The following ABCA7 variants were observed in gnomAD, a reference collection of about 807,000 sequenced individuals.
ABCA7 encodes the protein phospholipid-transporting ATPase ABCA7.
ABCA7 carries 261 observed loss-of-function variants against 227.6 expected under a neutral mutation model. That is an observed-to-expected ratio of 1.15 (90% CI 1.04 to 1.27). The LOEUF (loss-of-function observed/expected upper bound fraction) is 1.27, where lower values mean the gene tolerates loss of function less well. ABCA7 is among the 50% of genes most tolerant of loss of function. The probability of loss-of-function intolerance (pLI) is 0.00; values close to 1 mark genes in which losing one functional copy is unlikely to be tolerated. For missense variants in ABCA7, 3,331 were observed against 2,924.5 expected, an observed-to-expected ratio of 1.14 and a Z score of -3.21; for synonymous variants, 1,488 against 1,279.7, an observed-to-expected ratio of 1.16 and a Z score of -3.47.
rs372634404 is a variant in ABCA7 at position 1,049,193 on chromosome 19, G to T, written c.2381-73G>T. 4.0e-5 allele frequency: 60 copies of T among 1,507,362 alleles called. No homozygotes were observed. In the East Asian group the frequency reaches 9.4e-4, roughly 24 times the overall value. The allele number at this position is 1,507,362 out of a possible 1,614,324, so 93.4% of individuals were successfully genotyped here. ...GGCCCAGCAGGTCCCGGATTCCACA[G>T]CCCAGCTCTGAGGGACTTGCAGGCC... On this transcript the variant is annotated intron_variant, in intron 17 of 46. Coordinates refer to ENST00000263094, the MANE Select transcript of ABCA7 (RefSeq NM_019112.4).
At chr19:1,057,744 A>T (rs1286907553) in intron 35 of ABCA7, among the ~76,000 whole-genome samples, 171 bp from the exon 36 acceptor site, 1 of 151,970 alleles carries the variant, frequency 6.6e-6, no homozygotes. Context: ...CCTCTAAAAA[A>T]GAAAGAAAGA....
At position 1,049,298 on chromosome 19, in the gene ABCA7, C is replaced by A. The variant is rs754339768; in HGVS notation, c.2413C>A (p.Pro805Thr). 1.2e-6 allele frequency: 2 copies of A among 1,611,030 alleles called. No homozygotes were observed. The highest frequency in any genetic ancestry group is 1.7e-6 in the Non-Finnish European group (2 of 1,178,856). ...AGAAGAGGCACCGCCCGGCCTGAGT[C>A]CTGGCGTCTCCGTTCGCAGCCTGGA... ...LVEEAPPGLS[P>T]GVSVRSLEKR... Residue 805 changes from proline (P) to threonine (T), a missense_variant, in exon 18 of 47, where the codon CCT becomes ACT. Physicochemically the swap from Pro to Thr is conservative, Grantham distance 38. Transcript: ENST00000263094.
chr19:1,047,237 G>C lies in ABCA7; in HGVS notation c.1926G>C (p.Gln642His). ...CCTTCGCGGTGGCCACGGTGACCCA[G>C]AGCTTCCTGCTCAGCGCCTTCTTCT... ...LAAFAVATVT[Q>H]SFLLSAFFSR... is the part of the protein sequence containing the mutation. The change falls in exon 15 of 47, where the codon CAG (glutamine) becomes CAC (histidine). Residue 642 changes from glutamine to histidine, a missense_variant. By Grantham distance (24) the Gln-to-His change is conservative. Coordinates refer to ENST00000263094, the MANE Select transcript of ABCA7 (RefSeq NM_019112.4). The C allele has an allele frequency of 6.2e-7, 1 of 1,608,646 alleles. No homozygotes were observed. Among genetic ancestry groups the C allele is most frequent in the Non-Finnish European group, 8.5e-7 (1 of 1,179,540 alleles).
intron 10 of ABCA7, among the ~76,000 whole-genome samples, chr19:1,044,168 C>G (rs1470436217): frequency 6.6e-6 from 1 of 150,858 alleles, no homozygotes; most frequent in African/African-American, 2.4e-5. Flanking sequence ...TCTCGATCTC[C>G]TGACCTCGTG....
chr19:1,063,525 C>G lies in ABCA7; in HGVS notation c.5713-19C>G. 1 of 1,608,896 alleles carries G rather than the reference C, an allele frequency of 6.2e-7. No homozygotes were observed. The highest frequency in any genetic ancestry group is 1.1e-5 in the South Asian group (1 of 91,012). ...TCATCAATATGAGTCCCCATGCCTA[C>G]TCTGGCCCCACCCCACAGACCGCTG... On this transcript the variant is annotated intron_variant, in intron 42 of 46. Coordinates refer to ENST00000263094, the MANE Select transcript of ABCA7 (RefSeq NM_019112.4).
intron 40 of ABCA7, among the ~76,000 whole-genome samples, chr19:1,061,195 G>A (rs76301734): frequency 1.3e-5 from 2 of 151,812 alleles, no homozygotes; most frequent in African/African-American, 4.8e-5. Flanking sequence ...TCAGGAGTTC[G>A]AGACCAGCCT....
chr19:1,044,600 A>G lies in ABCA7; in HGVS notation c.1071A>G (p.Glu357=), dbSNP rs775573683. The change falls in exon 11 of 47, where the codon GAA becomes GAG. Residue 357 remains glutamate, a synonymous_variant. Coordinates refer to ENST00000263094, the MANE Select transcript of ABCA7 (RefSeq NM_019112.4). ...AGCGGCTCCTGCAGATGCAGGATGA[A>G]GGAAGAAGGCAGCCCAGACCTGGAG... is the stretch of plus-strand genomic sequence containing the variant. The part of the protein sequence containing the change: ...MLQRLLQMQD[E]GRRQPRPGGR... The G allele has an allele frequency of 1.2e-6, 2 of 1,612,716 alleles. No individual in the cohort carries two copies. Among genetic ancestry groups the G allele is most frequent in the Admixed American group, 3.3e-5 (2 of 59,964 alleles).
Position 1,054,347 on chromosome 19 carries a change from G to T in ABCA7, c.3726+6G>T. 1 of 1,592,520 alleles carries T rather than the reference G, an allele frequency of 6.3e-7. No homozygotes were observed. Among genetic ancestry groups the T allele is most frequent in the African/African-American group, 1.3e-5 (1 of 74,864 alleles). On this transcript the variant is annotated splice_donor_region_variant and intron_variant, in intron 27 of 46. Coordinates refer to ENST00000263094, the MANE Select transcript of ABCA7 (RefSeq NM_019112.4). The surrounding 1 kb of genome is among the most constrained non-coding windows in gnomAD (Gnocchi z 4.8). ...GCCGCGGCCTGTTCGCCCAGGTGAGGAGGGCTAGCACCAGGGAGTCGCATG... is the reference window on the plus strand; with the variant it reads ...GCCGCGGCCTGTTCGCCCAGGTGAGTAGGGCTAGCACCAGGGAGTCGCATG...
chr19:1,055,044 C>T, intron 29 of ABCA7, 53 bp from the exon 30 acceptor site: 1 of 1,561,256 alleles, frequency 6.4e-7, no homozygotes, highest in Non-Finnish European at 8.7e-7. Flanking sequence ...TGCCCACAGA[C>T]CTTCACCTTG....
At chr19:1,055,886 C>G (rs1336273588) in intron 30 of ABCA7, 21 bp from the exon 31 acceptor site, 1 of 1,576,168 alleles carries the variant, frequency 6.3e-7, no homozygotes, top group Non-Finnish European at 8.6e-7. Context: ...CTGCCTGTGT[C>G]TCTGTCCATC....
In ABCA7 at chr19:1,043,396, A is replaced by G. The variant is rs77403558; in HGVS notation, c.853A>G (p.Arg285Gly). The G allele has an allele frequency of 5.6e-6, 9 of 1,613,294 alleles. No individual in the cohort carries two copies. The highest frequency in any genetic ancestry group is 7.6e-6 in the Non-Finnish European group (9 of 1,180,022). ...DSHPLSRLLW[R>G]RLKPLILGKL... Reference sequence around the variant, plus strand: ...CCACCCGCTGTCCCGCCTGCTCTGGAGACGCCTGAAGCCTCTGATCCTCGG... The same window carrying G: ...CCACCCGCTGTCCCGCCTGCTCTGGGGACGCCTGAAGCCTCTGATCCTCGG... Residue 285 changes from arginine to glycine, a missense_variant, in exon 9 of 47, where the codon AGA becomes GGA. Arg to Gly is a moderately radical substitution (Grantham distance 125, BLOSUM62 -2). Transcript: ENST00000263094.
rs2040522669 is a variant in ABCA7, at chr19:1,045,400, C to T, written c.1445+169C>T. 1.7e-5 allele frequency: 12 copies of T among 686,086 alleles called. 1 individual carries two copies. Among genetic ancestry groups the T allele is most frequent in the Middle Eastern group, 4.1e-4 (1 of 2,458 alleles). 42.5% of individuals were successfully genotyped at this position (686,086 alleles called of 1,614,324 possible). On this transcript the variant is annotated intron_variant, in intron 12 of 46. Transcript: ENST00000263094. Reference sequence around the variant, plus strand: ...GGGGCTCCTTAGACCAATAGGGGCCCGTGATGGGCGGGGCCTAGGTGCATG... The same window carrying T: ...GGGGCTCCTTAGACCAATAGGGGCCTGTGATGGGCGGGGCCTAGGTGCATG...
At chr19:1,053,927 A>G in intron 25 of ABCA7, 79 bp from the exon 26 acceptor site, 1 of 1,597,934 alleles carries the variant, frequency 6.3e-7, no homozygotes, top group Non-Finnish European at 8.6e-7. Flanking sequence ...CCCAAGGCAT[A>G]GCCTTTACCC....
At chr19:1,044,868 A>G in intron 11 of ABCA7, 124 bp downstream of exon 11, 4 of 1,458,838 alleles carry the variant, frequency 2.7e-6, no homozygotes, top group Non-Finnish European at 3.6e-6. Flanking sequence ...GGATTTGTAG[A>G]GATCTCAGGA....
intron 41 of ABCA7, 99 bp from the exon 42 acceptor site, chr19:1,062,073 G>A: frequency 3.9e-6 from 6 of 1,537,656 alleles, no homozygotes; most frequent in South Asian, 1.2e-5. Flanking sequence ...TCCCTTATCA[G>A]CGTGGCCCTG....
Position 1,044,851 on chromosome 19 carries a change from G to T in ABCA7, c.1215+107G>T, listed in dbSNP as rs1383380559. ...GGGGAGGCGGGCCCGGCCCTAGTAA[G>T]AGCCTGGGATTTGTAGAGATCTCAG... On this transcript the variant is annotated intron_variant, in intron 11 of 46. Coordinates refer to ENST00000263094, the MANE Select transcript of ABCA7 (RefSeq NM_019112.4). The T allele has an allele frequency of 4.1e-6, 6 of 1,471,346 alleles. No homozygotes were observed. The African/African-American group carries it at 8.4e-5, about 21-fold the overall frequency. 91.1% of individuals were successfully genotyped at this position (1,471,346 alleles called of 1,614,324 possible). A position where few individuals can be genotyped will look rare whatever the true frequency, so the allele number is the denominator to read the frequency against.
At position 1,062,393 on chromosome 19, in the gene ABCA7, C is replaced by T. The variant is rs549513052; in HGVS notation, c.5712+80C>T. 8 of 1,555,500 alleles carry T rather than the reference C, an allele frequency of 5.1e-6. No individual in the cohort carries two copies. In the Admixed American group the frequency reaches 8.7e-5, roughly 17 times the overall value. ...CCGTGCCTCTAAAGCCTGGCCCAAT[C>T]CCGCACTCTCTCGCCTTGGCTCCAT... On this transcript the variant is annotated intron_variant, in intron 42 of 46. Transcript: ENST00000263094.
At position 1,062,138 on chromosome 19, in the gene ABCA7, C is replaced by G. The variant is rs146839965; in HGVS notation, c.5571-34C>G. ...GCCACCAGTATGGTCAGGGACTAGCCAGCTCTCTGAGCCCCCGGCGCCCCC... is the reference window on the plus strand; with the variant it reads ...GCCACCAGTATGGTCAGGGACTAGCGAGCTCTCTGAGCCCCCGGCGCCCCC... On this transcript the variant is annotated intron_variant, in intron 41 of 46. Transcript: ENST00000263094. The G allele has an allele frequency of 3.1e-6, 5 of 1,607,804 alleles. No individual in the cohort carries two copies. The East Asian group carries it at 1.1e-4, about 36-fold the overall frequency.
intron 35 of ABCA7, 35 bp from the exon 36 acceptor site, chr19:1,057,880 A>T (rs1228333943): frequency 6.2e-7 from 1 of 1,612,054 alleles, no homozygotes; most frequent in Non-Finnish European, 8.5e-7. Context: ...TCTCAGTCTG[A>T]GTGGTTACTC....
Sources: gnomAD v4.1 joint callset for allele counts (sites outside exome capture counted in the v4.1 genomes callset) on GRCh38, gnomAD v4.1.1 for gene constraint, Gnocchi (gnomAD v3.1) non-coding constraint, MANE v1.5 for transcripts, NCBI Gene and HGNC (gene_info 2026-07-23, HGNC 2026-07-21) for gene names.